Variants in DST observed in about 807,000 individuals in gnomAD.
DST encodes dystonin.
A neutral mutation model predicts 875.2 loss-of-function variants in DST; 253 were observed. The observed-to-expected ratio is 0.29, with a 90% CI of 0.26 to 0.32. The LOEUF (loss-of-function observed/expected upper bound fraction) is 0.32. Among genes scored for constraint, DST ranks in the 10% least tolerant of loss-of-function variants. The pLI is 1.00. For missense variants in DST, 8,287 were observed against 9,111.6 expected (o/e 0.91, Z 3.68); for synonymous variants, 3,124 against 3,197.1 (o/e 0.98, Z 0.77).
intron 3 of DST, among the ~76,000 whole-genome samples, chr6:56,882,164 TG>T (rs1257927928): frequency 2.0e-5 from 3 of 152,308 alleles, no homozygotes; most frequent in Admixed American, 6.5e-5. Context: ...GAGAAATGGT[TG>T]TCCTGATGGC....
chr6:56,596,768 T>C (rs1212298674), intron 47 of DST, among the ~76,000 whole-genome samples: 1 of 152,116 alleles, frequency 6.6e-6, no homozygotes, highest in East Asian at 1.9e-4. Context: ...AAAAGCCAAA[T>C]ATTGAAATAA....
intron 2 of DST, among the ~76,000 whole-genome samples, chr6:56,948,185 T>C (rs1820645941): frequency 6.6e-6 from 1 of 152,220 alleles, no homozygotes. Context: ...AGAAGATTCA[T>C]TCTTGTGGTA....
chr6:56,522,353 G>T (rs1478952662), intron 69 of DST, among the ~76,000 whole-genome samples: 1 of 152,126 alleles, frequency 6.6e-6, no homozygotes, highest in Non-Finnish European at 1.5e-5. Context: ...CTTCTAGACT[G>T]CCAAATATCA....
chr6:56,871,776 T>TAAAAA (rs746142378), intron 3 of DST: 26 of 95,472 alleles, frequency 2.7e-4, no homozygotes, highest in Admixed American at 4.1e-4. Flanking sequence ...CAATTAAAAG[T>TAAAAA]AAAAAAAAAA....
At chr6:56,573,619 A>G in intron 51 of DST, 60 bp downstream of exon 51, 1 of 1,256,016 alleles carries the variant, frequency 8.0e-7, no homozygotes, top group Non-Finnish European at 1.2e-6. Flanking sequence ...CTACACTTTG[A>G]GCTTATAAAA....
intron 36 of DST, 164 bp downstream of exon 36, chr6:56,624,366 T>C (rs1365994151): frequency 1.4e-6 from 1 of 697,694 alleles, no homozygotes; most frequent in Non-Finnish European, 2.6e-6. Context: ...TCTTAGGCCT[T>C]CAGTCATTTT....
At chr6:56,873,719 C>A (rs764397037) in intron 3 of DST, among the ~76,000 whole-genome samples, 2 of 151,800 alleles carry the variant, frequency 1.3e-5, no homozygotes, top group South Asian at 4.2e-4. Flanking sequence ...GAAGGTTGGG[C>A]GGAGAGGGGA....
chr6:56,704,506 G>A, intron 5 of DST, 137 bp from the exon 6 acceptor site: 1 of 518,146 alleles, frequency 1.9e-6, no homozygotes, highest in Non-Finnish European at 3.4e-6. Context: ...TTTTTAAAAT[G>A]CTTATTACTT....
chr6:56,624,777 A>G, intron 35 of DST, 149 bp from the exon 36 acceptor site: 1 of 671,450 alleles, frequency 1.5e-6, no homozygotes, highest in Middle Eastern at 3.8e-4. Flanking sequence ...TGAGCTTATT[A>G]TTACTATTAT....
At chr6:56,555,963 T>C (rs1224680841) in intron 59 of DST, 123 bp from the exon 60 acceptor site, 1 of 1,004,532 alleles carries the variant, frequency 1.0e-6, no homozygotes, top group East Asian at 2.7e-5. Context: ...TAGTTATCAC[T>C]TTCCTACTTT....
chr6:56,569,981 A>G lies in DST; in HGVS notation c.13753T>C (p.Leu4585=). 2 of 1,596,750 alleles carry G rather than the reference A, an allele frequency of 1.3e-6. No homozygotes were observed. The highest frequency in any genetic ancestry group is 1.7e-6 in the Non-Finnish European group (2 of 1,175,566). The part of the protein sequence containing the change: ...KEAVTSCQEQ[L]DAFQVLVKSL... ...TTAACAAGAACTTGGAAAGCATCCA[A>G]CTGTTCTTGACAAGAAGTTACAGCT... Residue 4585 remains leucine (L), a synonymous_variant, in exon 54 of 104, where the codon TTG becomes CTG. Coordinates refer to ENST00000680361, the MANE Select transcript of DST (RefSeq NM_001374736.1).
chr6:56,838,147 A>G (rs183458307), intron 4 of DST, among the ~76,000 whole-genome samples: 162 of 152,332 alleles, frequency 1.1e-3, no homozygotes, highest in African/African-American at 3.7e-3. Context: ...TTAATATGAA[A>G]TAACAAACAT....
chr6:56,645,373 C>T (rs2098936356), intron 15 of DST, among the ~76,000 whole-genome samples: 1 of 152,150 alleles, frequency 6.6e-6, no homozygotes, highest in African/African-American at 2.4e-5. Flanking sequence ...AGTAAATCCA[C>T]TTGTAGAAGC....
rs566611837 is a variant in DST at position 56,485,503 on chromosome 6, C to T, written c.21048-32G>A. On this transcript the variant is annotated intron_variant, in intron 87 of 103. Coordinates refer to ENST00000680361, the MANE Select transcript of DST (RefSeq NM_001374736.1). ...AAAAAGGTAGAAAAATTGATCCTTGCAACAAAAAACGTCACTCATATATCT... is the reference window on the plus strand; with the variant it reads ...AAAAAGGTAGAAAAATTGATCCTTGTAACAAAAAACGTCACTCATATATCT... The T allele has an allele frequency of 5.0e-6, 8 of 1,594,486 alleles. No individual in the cohort carries two copies. In the African/African-American group the frequency reaches 9.4e-5, roughly 19 times the overall value.
At chr6:56,548,689 A>T (rs937962137) in intron 61 of DST, among the ~76,000 whole-genome samples, 5 of 152,172 alleles carry the variant, frequency 3.3e-5, no homozygotes, top group African/African-American at 1.2e-4. Flanking sequence ...AATTTATAAC[A>T]GTGTGCATAG....
chr6:56,719,862 T>A, intron 5 of DST, among the ~76,000 whole-genome samples: 1 of 152,156 alleles, frequency 6.6e-6, no homozygotes, highest in South Asian at 2.1e-4. Context: ...CGATAGGGTG[T>A]GGGTCCCAAA....
chr6:56,586,826 T>G (rs1426202371), intron 49 of DST, among the ~76,000 whole-genome samples: 1 of 151,964 alleles, frequency 6.6e-6, no homozygotes, highest in Non-Finnish European at 1.5e-5. Context: ...TCTAGCAAAC[T>G]CCAACAGACC....
At position 56,609,065 on chromosome 6, in the gene DST, C is replaced by A. The variant is rs776657668; in HGVS notation, c.5563G>T (p.Val1855Leu). Residue 1855 changes from valine (V) to leucine (L), a missense_variant, in exon 40 of 104, where the codon GTA (valine) becomes TTA (leucine). By Grantham distance (32) the Val-to-Leu change is conservative. This residue lies in a region of DST where 3,138 missense variants were observed against 3,116.6 expected (regional missense o/e 1.01). Coordinates refer to ENST00000680361, the MANE Select transcript of DST (RefSeq NM_001374736.1). ...ISAASPTTIP[V>L]LDALAQSMIT... is the part of the protein sequence containing the mutation. Reference sequence around the variant, plus strand: ...ATGCTTTGAGCTAGAGCATCCAGTACTGGAATTGTGGTAGGTGACGCAGCA... The same window carrying A: ...ATGCTTTGAGCTAGAGCATCCAGTAATGGAATTGTGGTAGGTGACGCAGCA... 25 of 1,613,744 alleles carry A rather than the reference C, an allele frequency of 1.5e-5. No individual in the cohort carries two copies. Among genetic ancestry groups the A allele is most frequent in the Non-Finnish European group, 2.0e-5 (24 of 1,179,814 alleles).
chr6:56,904,722 T>A (rs1187678926), intron 2 of DST, among the ~76,000 whole-genome samples: 1 of 152,178 alleles, frequency 6.6e-6, no homozygotes, highest in Non-Finnish European at 1.5e-5. Flanking sequence ...AAAAGCCATG[T>A]CTTTTAACAG....
Sources: gnomAD v4.1 joint callset for allele counts (sites outside exome capture counted in the v4.1 genomes callset) on GRCh38, gnomAD v4.1.1 for gene constraint, gnomAD v4.1.1 regional missense constraint, MANE v1.5 for transcripts, NCBI Gene and HGNC (gene_info 2026-07-23, HGNC 2026-07-21) for gene names.